ZNF214: variants seen among roughly 807,000 people sequenced by gnomAD.
The protein encoded by ZNF214 is BWSCR2-associated zinc finger protein 1.
In ZNF214, 43 loss-of-function variants were observed where a neutral mutation model predicts 53.9. The ratio of observed to expected loss-of-function variants is 0.80; its 90% CI spans 0.63 to 1.03. The LOEUF (loss-of-function observed/expected upper bound fraction) is 1.03, where lower values mean the gene tolerates loss of function less well. Ranked by LOEUF, ZNF214 falls within the 50% of genes least tolerant of loss-of-function variation. The pLI is 0.00. For synonymous variants in ZNF214, 217 were observed against 229.5 expected, an observed-to-expected ratio of 0.95 and a Z score of 0.49; for missense variants, 724 against 719.1, an observed-to-expected ratio of 1.01 and a Z score of -0.08.
At position 7,000,225 on chromosome 11, in the gene ZNF214, G is replaced by A. The variant is rs749734457; in HGVS notation, c.1458C>T (p.His486=). 1 of 1,613,246 alleles carries A rather than the reference G, an allele frequency of 6.2e-7. No homozygotes were observed. Among genetic ancestry groups the A allele is most frequent in the Non-Finnish European group, 8.5e-7 (1 of 1,179,612 alleles). The change falls in exon 3 of 3, where the codon CAC becomes CAT. Residue 486 remains histidine, a synonymous_variant. Transcript: ENST00000278314. The stretch of plus-strand genomic sequence containing the variant: ...CTCCAGTATGTACTCTTTGATGAGT[G>A]TGAAGCTTTGAACTCTTACTGAAGC... ...GKGFSKSSKL[H]THQRVHTGEK... is the part of the protein sequence containing the mutation.
chr11:7,015,008 G>A (rs1305103136), intron 1 of ZNF214, among the ~76,000 whole-genome samples: 1 of 151,170 alleles, frequency 6.6e-6, no homozygotes, highest in Non-Finnish European at 1.5e-5. Context: ...TTGCTTATAG[G>A]AAATACATCA....
chr11:7,012,372 G>T (rs1851625385), intron 1 of ZNF214, among the ~76,000 whole-genome samples: 1 of 152,010 alleles, frequency 6.6e-6, no homozygotes, highest in Non-Finnish European at 1.5e-5. Flanking sequence ...ATATACAATG[G>T]TTAAGTATAT....
Position 6,997,174 on chromosome 11 carries a change from A to C in ZNF214, c.*2688T>G, listed in dbSNP as rs1325414711. On this transcript the variant is annotated 3_prime_UTR_variant, in exon 3 of 3. Transcript: ENST00000278314. ...TTTTTGACAATTACATTTCCTGAAT[A>C]TTCCAAGAATTTAGAAAACTAATGA... 3.3e-5 allele frequency among the ~76,000 whole-genome samples: 5 copies of C among 152,032 alleles called. No individual in the cohort carries two copies. In the East Asian group the frequency reaches 9.7e-4, roughly 29 times the overall value.
chr11:7,006,900 G>T (rs1465326734), intron 1 of ZNF214, among the ~76,000 whole-genome samples: 1 of 151,894 alleles, frequency 6.6e-6, no homozygotes, highest in Admixed American at 6.6e-5. Flanking sequence ...ATTAAGAAGA[G>T]AAACTAATCC....
At position 6,998,988 on chromosome 11, in the gene ZNF214, A is replaced by G. The variant is rs1851250026; in HGVS notation, c.*874T>C. Among the ~76,000 whole-genome samples the G allele has an allele frequency of 6.6e-6, 1 of 151,974 alleles. No individual in the cohort carries two copies. Among genetic ancestry groups the G allele is most frequent in the African/African-American group, 2.4e-5 (1 of 41,416 alleles). Reference sequence around the variant, plus strand: ...ATCGTTGCACAGAGTTCTGAGTTCAATGCTGTCCTTGCAGATATTTCTCTA... The same window carrying G: ...ATCGTTGCACAGAGTTCTGAGTTCAGTGCTGTCCTTGCAGATATTTCTCTA... On this transcript the variant is annotated 3_prime_UTR_variant, in exon 3 of 3. Coordinates refer to ENST00000278314, the MANE Select transcript of ZNF214 (RefSeq NM_013249.4).
rs1294463933 is a variant in ZNF214 at position 7,000,861 on chromosome 11, C to G, written c.822G>C (p.Leu274=). The change falls in exon 3 of 3, where the codon CTG becomes CTC. Residue 274 remains leucine, a synonymous_variant. Coordinates refer to ENST00000278314, the MANE Select transcript of ZNF214 (RefSeq NM_013249.4). The part of the protein sequence containing the change: ...RHPRNHIGKK[L]YGCDEVDGNF... ...TACCGTCAACTTCATCACATCCGTA[C>G]AGCTTCTTACCTATGTGGTTTCTTG... 6 of 1,613,072 alleles carry G rather than the reference C, an allele frequency of 3.7e-6. No individual in the cohort carries two copies. Among genetic ancestry groups the G allele is most frequent in the Non-Finnish European group, 4.2e-6 (5 of 1,179,522 alleles).
rs1164263025 is a variant in ZNF214, at chr11:6,997,413, C to A, written c.*2449G>T. ...ATGAAGCATTGAACGTGTTTTGATA[C>A]ATTTGGCTTTAATCATCTTGATCCG... is the stretch of plus-strand genomic sequence containing the variant. On this transcript the variant is annotated 3_prime_UTR_variant, in exon 3 of 3. Coordinates refer to ENST00000278314, the MANE Select transcript of ZNF214 (RefSeq NM_013249.4). Among the ~76,000 whole-genome samples, 3 of 151,788 alleles carry A rather than the reference C, an allele frequency of 2.0e-5. No homozygotes were observed. Among genetic ancestry groups the A allele is most frequent in the Admixed American group, 6.6e-5 (1 of 15,204 alleles).
chr11:7,012,701 G>A (rs1265198469), intron 1 of ZNF214, among the ~76,000 whole-genome samples: 1 of 152,080 alleles, frequency 6.6e-6, no homozygotes, highest in East Asian at 1.9e-4. Flanking sequence ...TTGATGCTAT[G>A]AAATTATCCC....
intron 1 of ZNF214, among the ~76,000 whole-genome samples, chr11:7,013,597 C>T (rs1367951628): frequency 6.6e-6 from 1 of 152,206 alleles, no homozygotes; most frequent in South Asian, 2.1e-4. Context: ...AGCGTGGGCT[C>T]CCAGAGCTTG....
At chr11:7,016,378 A>C (rs1160621701) in intron 1 of ZNF214, among the ~76,000 whole-genome samples, 1 of 152,172 alleles carries the variant, frequency 6.6e-6, no homozygotes, top group Non-Finnish European at 1.5e-5. Flanking sequence ...ACATAATGAA[A>C]GGTTAGTATA....
chr11:7,010,298 C>A (rs1410858217), intron 1 of ZNF214, among the ~76,000 whole-genome samples: 1 of 151,918 alleles, frequency 6.6e-6, no homozygotes, highest in African/African-American at 2.4e-5. Flanking sequence ...AGGCCATTAT[C>A]CTAAGTGAAC....
chr11:7,012,719 C>T (rs1358054425), intron 1 of ZNF214, among the ~76,000 whole-genome samples: 1 of 152,104 alleles, frequency 6.6e-6, no homozygotes, highest in Non-Finnish European at 1.5e-5. Context: ...CCCAAGGCAT[C>T]AAAAACTGTT....
chr11:7,014,702 C>T (rs1437497243), intron 1 of ZNF214, among the ~76,000 whole-genome samples: 1 of 150,508 alleles, frequency 6.6e-6, no homozygotes, highest in Non-Finnish European at 1.5e-5. Context: ...CATGGTGGCT[C>T]ACACCTATAA....
intron 1 of ZNF214, among the ~76,000 whole-genome samples, chr11:7,004,633 C>G (rs1338432103): frequency 6.6e-6 from 1 of 152,136 alleles, no homozygotes; most frequent in Admixed American, 6.6e-5. Flanking sequence ...TGCTCTCTCT[C>G]TGGGATCACT....
At chr11:7,016,057 T>C (rs140863853) in intron 1 of ZNF214, 6 of 152,316 alleles carry the variant, frequency 3.9e-5, no homozygotes, top group Admixed American at 1.3e-4. Flanking sequence ...CTTGATACTC[T>C]GTCTCAATTC....
intron 1 of ZNF214, among the ~76,000 whole-genome samples, chr11:7,010,603 C>T (rs542652922): frequency 6.9e-6 from 1 of 144,834 alleles, no homozygotes; most frequent in East Asian, 2.0e-4. Context: ...AATCATTCAG[C>T]TCAGGAGTAT....
chr11:7,018,754 G>A (rs995855492), intron 1 of ZNF214, among the ~76,000 whole-genome samples: 1 of 151,952 alleles, frequency 6.6e-6, no homozygotes, highest in Admixed American at 6.6e-5. Context: ...CGCCCACCTT[G>A]GCCTCTCAAA....
chr11:7,008,299 G>A (rs545851228), intron 1 of ZNF214, among the ~76,000 whole-genome samples: 22 of 152,166 alleles, frequency 1.4e-4, no homozygotes, highest in Non-Finnish European at 2.5e-4. Flanking sequence ...CAGGCATGGT[G>A]GCCCACACCT....
Position 7,000,635 on chromosome 11 carries a change from T to C in ZNF214, c.1048A>G (p.Arg350Gly). Residue 350 changes from arginine to glycine, a missense_variant, in exon 3 of 3, where the codon AGA becomes GGA. Coordinates refer to ENST00000278314, the MANE Select transcript of ZNF214 (RefSeq NM_013249.4). ...AAAGGCTTCTCTCCTATGTGAAGTCTCTGGTGAATGTGAAGTAATGAATTT... is the reference window on the plus strand; with the variant it reads ...AAAGGCTTCTCTCCTATGTGAAGTCCCTGGTGAATGTGAAGTAATGAATTT... ...SRNSLLHIHQ[R>G]LHIGEKPFKC... The C allele has an allele frequency of 6.2e-7, 1 of 1,601,028 alleles. No homozygotes were observed. The highest frequency in any genetic ancestry group is 8.5e-7 in the Non-Finnish European group (1 of 1,175,734).
Sources: allele counts gnomAD v4.1 joint callset (sites outside exome capture counted in the v4.1 genomes callset), GRCh38; gene constraint gnomAD v4.1.1; transcripts MANE v1.5; gene names NCBI Gene and HGNC (gene_info 2026-07-23, HGNC 2026-07-21).